Variants in RAD51 observed in about 807,000 individuals in gnomAD.
RAD51 encodes DNA repair protein RAD51 homolog 1.
RAD51 carries 14 observed loss-of-function variants against 41.5 expected under a neutral mutation model. The ratio of observed to expected loss-of-function variants is 0.34; its 90% CI spans 0.22 to 0.53. The LOEUF (loss-of-function observed/expected upper bound fraction) is 0.53. Among genes scored for constraint, RAD51 ranks in the 20% least tolerant of loss-of-function variants. RAD51 has a pLI of 0.95. For missense variants in RAD51, 234 were observed against 422.0 expected (o/e 0.55, Z 3.90); for synonymous variants, 136 against 148.6 (o/e 0.92, Z 0.62).
intron 9 of RAD51, 110 bp downstream of exon 9, chr15:40,730,084 C>G (rs1896791041): frequency 7.1e-7 from 1 of 1,407,564 alleles, no homozygotes; most frequent in Non-Finnish European, 9.9e-7. Flanking sequence ...GTTGTATAGA[C>G]ACTTAGGAAC....
chr15:40,707,335 C>T (rs1379738661), intron 4 of RAD51, among the ~76,000 whole-genome samples: 5 of 148,206 alleles, frequency 3.4e-5, no homozygotes, highest in Non-Finnish European at 5.9e-5. Flanking sequence ...GAGACAGAGT[C>T]TCACTCTGTT....
chr15:40,694,797 T>TGGTAAACAGAAGACGGCAACTC (rs1443490555), upstream of RAD51: 1 of 152,166 alleles, frequency 6.6e-6, no homozygotes, highest in Non-Finnish European at 1.5e-5. Flanking sequence ...GTCTTCGATC[T>TGGTAAACAGAAGACGGCAACTC]GGTAAACAGA....
chr15:40,728,853 T>C (rs7161941), intron 7 of RAD51, 29 bp downstream of exon 7: 1 of 1,558,406 alleles, frequency 6.4e-7, no homozygotes, highest in Non-Finnish European at 8.9e-7. Flanking sequence ...ACACCAAATA[T>C]GTTCTTAAGA....
intron 5 of RAD51, among the ~76,000 whole-genome samples, chr15:40,710,858 A>G (rs887780928): frequency 6.6e-6 from 1 of 151,752 alleles, no homozygotes; most frequent in Non-Finnish European, 1.5e-5. Flanking sequence ...CAAGGACTCT[A>G]CTCCTTCCAT....
At chr15:40,709,445 C>G (rs1380288331) in intron 5 of RAD51, among the ~76,000 whole-genome samples, 5 of 141,746 alleles carry the variant, frequency 3.5e-5, no homozygotes, top group African/African-American at 1.3e-4. Flanking sequence ...GGTGTGATCT[C>G]AGCTCACTGC....
chr15:40,731,199 T>G lies in RAD51; in HGVS notation c.*21T>G. On this transcript the variant is annotated 3_prime_UTR_variant, in exon 10 of 10. Transcript: ENST00000267868. ...ACTGAATCATTGGGTTTTTCCTCTGTTAAAAACCTTAAGTGCTGCAGCCTA... is the reference window on the plus strand; with the variant it reads ...ACTGAATCATTGGGTTTTTCCTCTGGTAAAAACCTTAAGTGCTGCAGCCTA... 1.2e-6 allele frequency: 2 copies of G among 1,613,870 alleles called. No individual in the cohort carries two copies. The highest frequency in any genetic ancestry group is 1.7e-6 in the Non-Finnish European group (2 of 1,179,854).
intron 3 of RAD51, 116 bp from the exon 4 acceptor site, chr15:40,706,061 A>G (rs1895316065): frequency 1.4e-6 from 1 of 735,630 alleles, no homozygotes; most frequent in African/African-American, 1.8e-5. Context: ...TTCTCTTCCC[A>G]TTGCACACCT....
At chr15:40,718,981 GTC>G in intron 6 of RAD51, 82 bp downstream of exon 6, 1 of 1,299,814 alleles carries the variant, frequency 7.7e-7, no homozygotes, top group Middle Eastern at 1.9e-4. Context: ...GCCGAAGAAT[GTC>G]TCTTCTATAA....
intron 1 of RAD51, among the ~76,000 whole-genome samples, chr15:40,697,575 T>TC: frequency 2.2e-5 from 1 of 44,878 alleles, no homozygotes. Flanking sequence ...ATGATATTTC[T>TC]TTTTTTTTTT....
At chr15:40,704,265 C>T (rs191852853) in intron 3 of RAD51, among the ~76,000 whole-genome samples, 20 of 151,476 alleles carry the variant, frequency 1.3e-4, no homozygotes, top group African/African-American at 3.2e-4. Context: ...AGGGTTTCAC[C>T]GTGTTAGCCA....
intron 6 of RAD51, among the ~76,000 whole-genome samples, chr15:40,720,497 C>A (rs2412547): frequency 0.49 from 74,748 of 151,636 alleles, 19,250 homozygotes; most frequent in East Asian, 0.77. Flanking sequence ...TGTAGTCAGA[C>A]AAGCAGATGA....
At chr15:40,708,571 T>C (rs1199431059) in intron 4 of RAD51, among the ~76,000 whole-genome samples, 1 of 151,352 alleles carries the variant, frequency 6.6e-6, no homozygotes, top group East Asian at 1.9e-4. Context: ...AAAATACTTT[T>C]GGTTTATTTG....
chr15:40,709,492 A>G (rs1335588140), intron 5 of RAD51, among the ~76,000 whole-genome samples: 3 of 148,772 alleles, frequency 2.0e-5, no homozygotes, highest in South Asian at 2.2e-4. Context: ...TCCTTCATCA[A>G]CCTCCCGAGT....
In RAD51 at chr15:40,703,800, A is replaced by G. The variant is rs576624355; in HGVS notation, c.226-2377A>G. On this transcript the variant is annotated intron_variant, in intron 3 of 9. Transcript: ENST00000267868. Reference sequence around the variant, plus strand: ...CTTTTGGTTTCATTGATTTTTCTCTATTATTCTGCCCTCTACTTAATAGTT... The same window carrying G: ...CTTTTGGTTTCATTGATTTTTCTCTGTTATTCTGCCCTCTACTTAATAGTT... Among the ~76,000 whole-genome samples the G allele has an allele frequency of 3.5e-4, 53 of 151,884 alleles. No homozygotes were observed. The Middle Eastern group carries it at 0.017, about 49-fold the overall frequency.
At position 40,718,919 on chromosome 15, in the gene RAD51, AAG is replaced by A. The variant is rs748483725; in HGVS notation, c.530+26_530+27del. ...TGAGAGGTAGGTTACTGGTTTAGATAAGAGAGACTATGGCTACACTTATCAAT... is the reference window on the plus strand; with the variant it reads ...TGAGAGGTAGGTTACTGGTTTAGATAAGAGACTATGGCTACACTTATCAAT... On this transcript the variant is annotated intron_variant, in intron 6 of 9. Coordinates refer to ENST00000267868, the MANE Select transcript of RAD51 (RefSeq NM_002875.5). 2 of 1,567,522 alleles carry A rather than the reference AAG, an allele frequency of 1.3e-6. No homozygotes were observed. The highest frequency in any genetic ancestry group is 1.4e-5 in the African/African-American group (1 of 73,962).
At chr15:40,715,611 G>C (rs1895949776) in intron 5 of RAD51, among the ~76,000 whole-genome samples, 2 of 152,202 alleles carry the variant, frequency 1.3e-5, no homozygotes, top group African/African-American at 4.8e-5. Flanking sequence ...AGATGGCTAT[G>C]ATGGCACTGG....
intron 4 of RAD51, 110 bp downstream of exon 4, chr15:40,706,404 A>C: frequency 1.0e-6 from 1 of 963,024 alleles, no homozygotes. Context: ...AATGATAAAG[A>C]GATAGAGGAA....
intron 5 of RAD51, among the ~76,000 whole-genome samples, chr15:40,715,251 G>A (rs1328644428): frequency 6.6e-6 from 1 of 152,184 alleles, no homozygotes; most frequent in African/African-American, 2.4e-5. Flanking sequence ...AGCTACTTGG[G>A]AGGCTGAGGC....
chr15:40,727,800 A>T (rs1896661153), intron 6 of RAD51, among the ~76,000 whole-genome samples: 1 of 151,554 alleles, frequency 6.6e-6, no homozygotes, highest in Non-Finnish European at 1.5e-5. Flanking sequence ...GTTTATCCTC[A>T]TGACAGAATC....
Sources: gnomAD v4.1 joint callset for allele counts (sites outside exome capture counted in the v4.1 genomes callset) on GRCh38, gnomAD v4.1.1 for gene constraint, MANE v1.5 for transcripts, NCBI Gene and HGNC (gene_info 2026-07-23, HGNC 2026-07-21) for gene names.